Variants in HPSE2 observed in about 807,000 individuals in gnomAD.
HPSE2 encodes the protein inactive heparanase-2.
Under a neutral mutation model 60.5 loss-of-function variants are expected in HPSE2, and 38 were observed. That is an observed-to-expected ratio of 0.63 (90% CI 0.48 to 0.82). The LOEUF is 0.82. HPSE2 is among the 40% of genes least tolerant of loss of function. The pLI, the probability that HPSE2 is intolerant of heterozygous loss-of-function variation, is 0.00. For synonymous variants in HPSE2, 295 were observed against 293.2 expected, an observed-to-expected ratio of 1.01 and a Z score of -0.06; for missense variants, 713 against 740.4, an observed-to-expected ratio of 0.96 and a Z score of 0.43.
At chr10:98,867,270 T>C (rs936528594) in intron 3 of HPSE2, among the ~76,000 whole-genome samples, 7 of 148,160 alleles carry the variant, frequency 4.7e-5, no homozygotes, top group African/African-American at 7.5e-5. Context: ...CCAGAATATA[T>C]AAGGAACTCA....
intron 2 of HPSE2, among the ~76,000 whole-genome samples, chr10:99,211,196 TA>T (rs1848943119): frequency 6.6e-6 from 1 of 151,904 alleles, no homozygotes; most frequent in African/African-American, 2.4e-5. Context: ...TACTTAGAAA[TA>T]TTTAACCAAA....
At chr10:98,997,460 T>C (rs1336624517) in intron 3 of HPSE2, among the ~76,000 whole-genome samples, 2 of 152,148 alleles carry the variant, frequency 1.3e-5, no homozygotes, top group African/African-American at 4.8e-5. Context: ...GACTACATCT[T>C]AGAGGCCTTT....
intron 6 of HPSE2, among the ~76,000 whole-genome samples, chr10:98,664,689 C>T (rs1947315596): frequency 6.6e-6 from 1 of 152,154 alleles, no homozygotes; most frequent in African/African-American, 2.4e-5. Context: ...AAAAATATTT[C>T]GCCCGTATAT....
the HPSE2 span, among the ~76,000 whole-genome samples, chr10:99,278,052 G>A: frequency 1.2e-3 from 168 of 145,616 alleles, no homozygotes; most frequent in Admixed American, 1.9e-3. Flanking sequence ...AGCCAAGATC[G>A]CGCCACTGTA....
At chr10:99,285,476 A>AAGGGAGGGAGGG in the HPSE2 span, among the ~76,000 whole-genome samples, 917 of 97,076 alleles carry the variant, frequency 9.4e-3, 8 homozygotes, top group Middle Eastern at 0.025. Flanking sequence ...GGAAGGAAGG[A>AAGGGAGGGAGGG]AGGGAGGGAG....
chr10:98,812,100 T>A (rs1951181756), intron 3 of HPSE2, among the ~76,000 whole-genome samples: 1 of 152,184 alleles, frequency 6.6e-6, no homozygotes, highest in Non-Finnish European at 1.5e-5. Context: ...TTCATTTGAT[T>A]TGTGTGGTTC....
intron 9 of HPSE2, among the ~76,000 whole-genome samples, chr10:98,577,199 G>A (rs1235497538): frequency 6.6e-6 from 1 of 151,184 alleles, no homozygotes; most frequent in Non-Finnish European, 1.5e-5. Flanking sequence ...ACTTTAACTT[G>A]TCTTTATTTA....
chr10:98,596,550 C>T (rs1052273742), intron 9 of HPSE2, among the ~76,000 whole-genome samples: 9 of 151,306 alleles, frequency 5.9e-5, no homozygotes, highest in African/African-American at 2.2e-4. Context: ...ACTCCCTTAG[C>T]TTTTGTTTGT....
chr10:98,696,248 G>T (rs1479653288), intron 5 of HPSE2, among the ~76,000 whole-genome samples: 1 of 148,498 alleles, frequency 6.7e-6, no homozygotes, highest in Non-Finnish European at 1.5e-5. Context: ...GTAGGGACAG[G>T]GCCAAGATAG....
the HPSE2 span, among the ~76,000 whole-genome samples, chr10:99,291,696 C>T: frequency 1.3e-5 from 2 of 152,014 alleles, no homozygotes; most frequent in South Asian, 2.1e-4. Flanking sequence ...CATGAAGCCT[C>T]GAGAGAAGAG....
chr10:98,997,764 A>G (rs1036319354), intron 3 of HPSE2, among the ~76,000 whole-genome samples: 14 of 152,248 alleles, frequency 9.2e-5, no homozygotes, highest in African/African-American at 3.4e-4. Context: ...GGCCTGCAAC[A>G]TGGCAGCTGT....
At chr10:98,525,381 G>A (rs371780835) in intron 9 of HPSE2, among the ~76,000 whole-genome samples, 17 of 152,194 alleles carry the variant, frequency 1.1e-4, no homozygotes, top group African/African-American at 3.9e-4. Flanking sequence ...ACAACTCTTC[G>A]CCATCACAAC....
chr10:98,997,112 CTT>C (rs34434956), intron 3 of HPSE2, among the ~76,000 whole-genome samples: 39 of 119,690 alleles, frequency 3.3e-4, no homozygotes, highest in Admixed American at 1.3e-3. Context: ...CAGACCCTTT[CTT>C]TTTTTTTTTT....
intron 3 of HPSE2, among the ~76,000 whole-genome samples, chr10:98,810,376 A>T (rs1951142347): frequency 6.6e-6 from 1 of 152,040 alleles, no homozygotes; most frequent in Non-Finnish European, 1.5e-5. Context: ...ATGTATATTT[A>T]TTTAAAATGA....
chr10:98,728,863 G>T (rs1030404021), intron 4 of HPSE2, among the ~76,000 whole-genome samples: 2 of 151,822 alleles, frequency 1.3e-5, no homozygotes, highest in Admixed American at 6.6e-5. Context: ...TTAAAAATTA[G>T]CTGGGTGTAG....
chr10:98,621,826 G>C (rs1946081870), intron 7 of HPSE2, among the ~76,000 whole-genome samples: 1 of 152,220 alleles, frequency 6.6e-6, no homozygotes. Flanking sequence ...AATAAGAAGT[G>C]AGGTACTACG....
At chr10:99,206,709 T>C (rs904733387) in intron 2 of HPSE2, among the ~76,000 whole-genome samples, 6 of 151,886 alleles carry the variant, frequency 4.0e-5, no homozygotes, top group Non-Finnish European at 7.4e-5. Context: ...TAATGAGAAA[T>C]TGAAATTATC....
chr10:98,681,775 T>C (rs1350654884), intron 6 of HPSE2, among the ~76,000 whole-genome samples: 1 of 152,216 alleles, frequency 6.6e-6, no homozygotes, highest in Admixed American at 6.5e-5. Flanking sequence ...TTGAATAGAT[T>C]TGTGAGAATA....
chr10:98,514,879 C>T (rs914944477), intron 9 of HPSE2, among the ~76,000 whole-genome samples: 27 of 151,772 alleles, frequency 1.8e-4, no homozygotes, highest in Admixed American at 5.2e-4. Context: ...CCACCACACC[C>T]GGCTATTTTT....
Sources: allele counts gnomAD v4.1 joint callset (sites outside exome capture counted in the v4.1 genomes callset), GRCh38; gene constraint gnomAD v4.1.1; transcripts MANE v1.5; gene names NCBI Gene and HGNC (gene_info 2026-07-23, HGNC 2026-07-21).